Variants in CHD6 observed in about 807,000 individuals in gnomAD.
CHD6 encodes chromodomain helicase DNA binding protein 6.
A neutral mutation model predicts 276.9 loss-of-function variants in CHD6; 50 were observed. The observed-to-expected ratio is 0.18, with a 90% CI of 0.14 to 0.23. The LOEUF (loss-of-function observed/expected upper bound fraction) is 0.23, where lower values mean the gene tolerates loss of function less well. CHD6 is among the 10% of genes least tolerant of loss of function. CHD6 has a pLI of 1.00. For synonymous variants in CHD6, 1,173 were observed against 1,229.3 expected (o/e 0.95, Z 0.96); for missense variants, 2,564 against 3,365.8 (o/e 0.76, Z 5.89).
At position 41,402,636 on chromosome 20, in the gene CHD6, T is replaced by C; in HGVS notation, c.*1957A>G. 1 of 222,646 alleles carries C rather than the reference T, an allele frequency of 4.5e-6. No homozygotes were observed. The highest frequency in any genetic ancestry group is 9.0e-6 in the Non-Finnish European group (1 of 111,470). The allele number at this position is 222,646 out of a possible 1,614,324, so 13.8% of individuals were successfully genotyped here. ...TTGTATTTTAAGGATTTAGGGCAAA[T>C]ACATTTTTTTTTCTACTTGATAAAA... On this transcript the variant is annotated 3_prime_UTR_variant, in exon 37 of 37. Coordinates refer to ENST00000373233, the MANE Select transcript of CHD6 (RefSeq NM_032221.5).
intron 34 of CHD6, 175 bp from the exon 35 acceptor site, chr20:41,413,690 G>T: frequency 2.0e-6 from 1 of 497,514 alleles, no homozygotes; most frequent in Non-Finnish European, 3.5e-6. Flanking sequence ...GCCCACATAA[G>T]CTCTTGCAAG....
intron 1 of CHD6, among the ~76,000 whole-genome samples, chr20:41,616,780 C>A (rs551519120): frequency 6.6e-6 from 1 of 152,228 alleles, no homozygotes; most frequent in Non-Finnish European, 1.5e-5. Flanking sequence ...GATCTCAAAT[C>A]TTCTTTCTGT....
At chr20:41,556,340 T>G (rs1362903425) in intron 1 of CHD6, among the ~76,000 whole-genome samples, 1 of 149,384 alleles carries the variant, frequency 6.7e-6, no homozygotes, top group Non-Finnish European at 1.5e-5. Flanking sequence ...TTTTTTTTTT[T>G]TTTGAGACAG....
chr20:41,532,619 C>A (rs1434445439), intron 3 of CHD6, among the ~76,000 whole-genome samples: 1 of 152,188 alleles, frequency 6.6e-6, no homozygotes, highest in Non-Finnish European at 1.5e-5. Context: ...TTATCTTTCT[C>A]TCATTAGGAG....
In CHD6 at chr20:41,448,645, C is replaced by T. The variant is rs185539271; in HGVS notation, c.3684-674G>A. Among the ~76,000 whole-genome samples, 447 of 152,280 alleles carry T rather than the reference C, an allele frequency of 2.9e-3. 2 individuals carry two copies. The highest frequency in any genetic ancestry group is 0.01 in the African/African-American group (418 of 41,554). ...GCCGTTATCGTGCTCTTGGGCATCC[C>T]GGCCTGCAGAGTCATGAGCCAATAC... On this transcript the variant is annotated intron_variant, in intron 23 of 36. Transcript: ENST00000373233.
At chr20:41,591,551 G>C (rs2146262913) in intron 1 of CHD6, among the ~76,000 whole-genome samples, 1 of 152,040 alleles carries the variant, frequency 6.6e-6, no homozygotes, top group East Asian at 1.9e-4. Flanking sequence ...AAATTAGCTG[G>C]GCATGGTAGC....
intron 5 of CHD6, among the ~76,000 whole-genome samples, chr20:41,507,081 T>G (rs534931992): frequency 1.5e-3 from 235 of 152,286 alleles, no homozygotes; most frequent in Non-Finnish European, 2.9e-3. Flanking sequence ...AGTCTGTATA[T>G]CTCAGACTAG....
At position 41,561,938 on chromosome 20, in the gene CHD6, G is replaced by C. The variant is rs968171653; in HGVS notation, c.-23-10578C>G. Among the ~76,000 whole-genome samples the C allele has an allele frequency of 3.3e-5, 5 of 152,104 alleles. No individual in the cohort carries two copies. The South Asian group carries it at 1.0e-3, about 32-fold the overall frequency. On this transcript the variant is annotated intron_variant, in intron 1 of 36. Transcript: ENST00000373233. ...TTTCACCCATGAGGTTAGGTACCTG[G>C]TGGATTCTTTCTCAATCTGGAAACT...
chr20:41,544,767 TATA>T (rs577527887), intron 2 of CHD6, among the ~76,000 whole-genome samples: 1 of 151,040 alleles, frequency 6.6e-6, no homozygotes, highest in African/African-American at 2.4e-5. Flanking sequence ...GATACTATAT[TATA>T]ATAATCATAT....
intron 23 of CHD6, among the ~76,000 whole-genome samples, chr20:41,448,276 A>G (rs1330771010): frequency 6.6e-6 from 1 of 152,134 alleles, no homozygotes; most frequent in Non-Finnish European, 1.5e-5. Flanking sequence ...GGCCACAGTG[A>G]CCTCTTAGGC....
intron 17 of CHD6, chr20:41,461,830 C>T: frequency 6.6e-6 from 1 of 152,634 alleles, no homozygotes; most frequent in Non-Finnish European, 1.5e-5. Flanking sequence ...ACATAGCTGG[C>T]AGGCAAGAGC....
At chr20:41,438,943 G>A (rs530892487) in intron 26 of CHD6, among the ~76,000 whole-genome samples, 1 of 152,334 alleles carries the variant, frequency 6.6e-6, no homozygotes, top group South Asian at 2.1e-4. Context: ...TTCTTGGCCT[G>A]AGCAAATAGT....
chr20:41,483,212 G>T, intron 16 of CHD6, 97 bp downstream of exon 16: 1 of 1,085,968 alleles, frequency 9.2e-7, no homozygotes, highest in Non-Finnish European at 1.3e-6. Context: ...GTTTTTGAAT[G>T]TTTTGTGTTT....
intron 30 of CHD6, among the ~76,000 whole-genome samples, chr20:41,422,953 A>G (rs2047242492): frequency 6.6e-6 from 1 of 152,202 alleles, no homozygotes; most frequent in Non-Finnish European, 1.5e-5. Flanking sequence ...CATGATCCAG[A>G]GGAACTCCAT....
chr20:41,504,101 A>AAAAAAAAAAAAAAAAAT (rs2043914172), intron 5 of CHD6, among the ~76,000 whole-genome samples: 1 of 149,382 alleles, frequency 6.7e-6, no homozygotes. Context: ...AAAAAAAAAA[A>AAAAAAAAAAAAAAAAAT]AAAGAAATAC....
chr20:41,521,543 T>TAC (rs955013699), intron 3 of CHD6, among the ~76,000 whole-genome samples: 4 of 152,292 alleles, frequency 2.6e-5, no homozygotes, highest in Admixed American at 2.0e-4. Context: ...TGTGTATATA[T>TAC]ACACATATAA....
chr20:41,552,212 G>A (rs966305358), intron 1 of CHD6, among the ~76,000 whole-genome samples: 3 of 152,116 alleles, frequency 2.0e-5, no homozygotes, highest in Non-Finnish European at 4.4e-5. Flanking sequence ...AGAATCTCAG[G>A]CTTCTAGTTC....
intron 1 of CHD6, among the ~76,000 whole-genome samples, chr20:41,617,911 G>A (rs1001466654): frequency 6.8e-4 from 100 of 147,702 alleles, no homozygotes; most frequent in African/African-American, 2.3e-3. Context: ...CCCCGCCCCA[G>A]CGCGGCTGGG....
intron 3 of CHD6, among the ~76,000 whole-genome samples, chr20:41,516,815 C>A (rs1005003557): frequency 6.6e-6 from 1 of 152,090 alleles, no homozygotes; most frequent in South Asian, 2.1e-4. Context: ...GGGAATGAAG[C>A]CTTTCAAGGG....
Sources: gnomAD v4.1 joint callset for allele counts (sites outside exome capture counted in the v4.1 genomes callset) on GRCh38, gnomAD v4.1.1 for gene constraint, MANE v1.5 for transcripts, NCBI Gene and HGNC (gene_info 2026-07-23, HGNC 2026-07-21) for gene names.